NTM: variants seen among roughly 807,000 people sequenced by gnomAD.
NTM encodes the protein IgLON family member 2.
Under a neutral mutation model 42.1 loss-of-function variants are expected in NTM, and 13 were observed. The ratio of observed to expected loss-of-function variants is 0.31; its 90% CI spans 0.20 to 0.49. The LOEUF (loss-of-function observed/expected upper bound fraction) is 0.49, where lower values mean the gene tolerates loss of function less well. NTM is among the 20% of genes least tolerant of loss of function. The pLI is 0.99. For synonymous variants in NTM, 187 were observed against 179.2 expected (o/e 1.04, Z -0.35); for missense variants, 373 against 452.8 (o/e 0.82, Z 1.60).
chr11:132,109,374 T>C (rs2062854210), intron 2 of NTM, among the ~76,000 whole-genome samples: 1 of 152,136 alleles, frequency 6.6e-6, no homozygotes, highest in Non-Finnish European at 1.5e-5. Context: ...TTCCACCATG[T>C]GAGGACACAG....
intron 1 of NTM, among the ~76,000 whole-genome samples, chr11:131,428,030 A>G (rs1047153025): frequency 1.3e-5 from 2 of 152,178 alleles, no homozygotes; most frequent in Non-Finnish European, 2.9e-5. Flanking sequence ...ATGACTCTGA[A>G]ATTTACATCT....
intron 2 of NTM, among the ~76,000 whole-genome samples, chr11:132,086,151 C>T (rs1252937322): frequency 1.3e-5 from 2 of 151,698 alleles, no homozygotes; most frequent in Non-Finnish European, 2.9e-5. Context: ...GGTGAAAACC[C>T]GTCTCTACTA....
At chr11:131,608,478 G>T (rs191918873) in intron 1 of NTM, among the ~76,000 whole-genome samples, 1 of 152,116 alleles carries the variant, frequency 6.6e-6, no homozygotes, top group African/African-American at 2.4e-5. Flanking sequence ...AAGAAAGAAA[G>T]TTCTTTTTTT....
At chr11:131,577,270 C>G (rs760418410) in intron 1 of NTM, among the ~76,000 whole-genome samples, 27 of 152,182 alleles carry the variant, frequency 1.8e-4, no homozygotes, top group Middle Eastern at 6.8e-3. Flanking sequence ...AAAACATCCT[C>G]TGAGCAGATA....
chr11:131,627,998 C>T (rs555635575), intron 1 of NTM, among the ~76,000 whole-genome samples: 89 of 152,304 alleles, frequency 5.8e-4, no homozygotes, highest in African/African-American at 2.0e-3. Context: ...CCATCTCTGA[C>T]AGTGTATGCC....
At chr11:131,766,266 T>C (rs1377499544) in intron 1 of NTM, among the ~76,000 whole-genome samples, 1 of 152,148 alleles carries the variant, frequency 6.6e-6, no homozygotes, top group Non-Finnish European at 1.5e-5. Context: ...CATTTTCACT[T>C]GAGGAGTTGA....
chr11:131,444,404 G>A (rs551189886), intron 1 of NTM, among the ~76,000 whole-genome samples: 13 of 152,236 alleles, frequency 8.5e-5, no homozygotes, highest in African/African-American at 3.1e-4. Flanking sequence ...GTAATACAAG[G>A]TTTGAAATGA....
chr11:132,027,331 G>T (rs902817288), intron 2 of NTM, among the ~76,000 whole-genome samples: 5 of 152,078 alleles, frequency 3.3e-5, no homozygotes, highest in African/African-American at 1.2e-4. Flanking sequence ...ATAAAAATGG[G>T]GAAATAACGA....
At chr11:131,740,289 T>A (rs2081020631) in intron 1 of NTM, among the ~76,000 whole-genome samples, 1 of 152,128 alleles carries the variant, frequency 6.6e-6, no homozygotes, top group African/African-American at 2.4e-5. Context: ...GTAATAACTG[T>A]TGCCTGTCTC....
intron 2 of NTM, among the ~76,000 whole-genome samples, chr11:132,086,857 G>T (rs2059782214): frequency 6.6e-6 from 1 of 152,142 alleles, no homozygotes; most frequent in Non-Finnish European, 1.5e-5. Flanking sequence ...GTCAGGTTTT[G>T]GAAATTAACT....
chr11:132,006,403 A>C (rs2070797480), intron 2 of NTM, among the ~76,000 whole-genome samples: 1 of 152,232 alleles, frequency 6.6e-6, no homozygotes, highest in African/African-American at 2.4e-5. Context: ...AATCTACATA[A>C]AAAAGAGGAA....
intron 1 of NTM, among the ~76,000 whole-genome samples, chr11:131,377,009 C>T (rs1942060741): frequency 1.3e-5 from 2 of 152,174 alleles, no homozygotes. Flanking sequence ...GGCTTGGCAT[C>T]CTTTGTCATA....
chr11:132,004,935 A>G (rs1017122725), intron 2 of NTM, among the ~76,000 whole-genome samples: 2 of 152,146 alleles, frequency 1.3e-5, no homozygotes, highest in Non-Finnish European at 2.9e-5. Context: ...AATGGATGAT[A>G]TTTGCAAAAA....
At position 131,439,241 on chromosome 11, in the gene NTM, C is replaced by A. The variant is rs567151266; in HGVS notation, c.82+68353C>A. On this transcript the variant is annotated intron_variant, in intron 1 of 8. Transcript: ENST00000683400. ...GTCGGCCCCTACTGGGAGGTGTCTC[C>A]CAGTTAGGCTACTCGGGGGTCAGGG... Among the ~76,000 whole-genome samples the A allele has an allele frequency of 9.1e-4, 139 of 152,276 alleles. 1 individual carries two copies. The highest frequency in any genetic ancestry group is 3.2e-3 in the African/African-American group (131 of 41,548).
intron 2 of NTM, among the ~76,000 whole-genome samples, chr11:131,985,062 C>T (rs540309922): frequency 6.6e-6 from 1 of 152,102 alleles, no homozygotes; most frequent in Non-Finnish European, 1.5e-5. Flanking sequence ...TGAAATCAGT[C>T]TCTCATTCCC....
chr11:131,687,222 G>T (rs2073998479), intron 1 of NTM, among the ~76,000 whole-genome samples: 2 of 152,226 alleles, frequency 1.3e-5, no homozygotes, highest in South Asian at 4.1e-4. Flanking sequence ...AATTGTACCT[G>T]CATGAAACGT....
chr11:131,715,482 A>G (rs543269813), intron 1 of NTM, among the ~76,000 whole-genome samples: 21 of 152,342 alleles, frequency 1.4e-4, no homozygotes, highest in Admixed American at 9.8e-4. Flanking sequence ...TTGAGGTATA[A>G]CTGATATATA....
chr11:131,557,297 GA>G (rs1458960479), intron 1 of NTM, among the ~76,000 whole-genome samples: 2 of 152,216 alleles, frequency 1.3e-5, no homozygotes, highest in Middle Eastern at 3.4e-3. Flanking sequence ...TGAAAAAACA[GA>G]ACATGATTCA....
At chr11:132,111,563 G>A (rs574424197) in intron 2 of NTM, among the ~76,000 whole-genome samples, 1 of 152,262 alleles carries the variant, frequency 6.6e-6, no homozygotes, top group East Asian at 1.9e-4. Flanking sequence ...GCAGTCCTCT[G>A]CAGTCCTAAG....
Sources: allele counts gnomAD v4.1 joint callset (sites outside exome capture counted in the v4.1 genomes callset), GRCh38; gene constraint gnomAD v4.1.1; transcripts MANE v1.5; gene names NCBI Gene and HGNC (gene_info 2026-07-23, HGNC 2026-07-21).